The following NKAIN2 variants were observed in gnomAD, a reference collection of about 807,000 sequenced individuals.
NKAIN2 encodes sodium/potassium-transporting ATPase subunit beta-1-interacting protein 2.
A neutral mutation model predicts 32.6 loss-of-function variants in NKAIN2; 14 were observed. The observed-to-expected ratio is 0.43, with a 90% CI of 0.28 to 0.67. The LOEUF is 0.67. Ranked by LOEUF, NKAIN2 falls within the 30% of genes least tolerant of loss-of-function variation. The pLI is 0.17. For synonymous variants in NKAIN2, 80 were observed against 87.2 expected (o/e 0.92, Z 0.46); for missense variants, 198 against 258.3 (o/e 0.77, Z 1.60).
intron 1 of NKAIN2, among the ~76,000 whole-genome samples, chr6:123,982,349 A>G (rs746337260): frequency 3.9e-5 from 6 of 152,208 alleles, no homozygotes; most frequent in Non-Finnish European, 5.9e-5. Flanking sequence ...CTTAATTCTG[A>G]AAGTGTCAAA....
At chr6:124,008,387 G>A (rs114754275) in intron 1 of NKAIN2, among the ~76,000 whole-genome samples, 3,152 of 152,194 alleles carry the variant, frequency 0.021, 44 homozygotes, top group African/African-American at 0.032. Flanking sequence ...GACTTCTTTA[G>A]TAAAAACAGA....
At chr6:124,085,331 C>T (rs928151114) in intron 1 of NKAIN2, among the ~76,000 whole-genome samples, 2 of 151,194 alleles carry the variant, frequency 1.3e-5, no homozygotes, top group Non-Finnish European at 2.9e-5. Flanking sequence ...CTGAATTTGG[C>T]ATTAAAAAAT....
At chr6:124,577,818 G>C (rs1483773730) in intron 3 of NKAIN2, among the ~76,000 whole-genome samples, 1 of 152,118 alleles carries the variant, frequency 6.6e-6, no homozygotes, top group Non-Finnish European at 1.5e-5. Flanking sequence ...TCCTTGAGGA[G>C]AGGACAAGGA....
intron 4 of NKAIN2, among the ~76,000 whole-genome samples, chr6:124,678,929 G>A (rs1009722607): frequency 1.3e-5 from 2 of 152,100 alleles, no homozygotes; most frequent in Non-Finnish European, 2.9e-5. Context: ...ACTAGTGTGT[G>A]TAAATTTCAA....
intron 1 of NKAIN2, among the ~76,000 whole-genome samples, chr6:123,991,793 C>T (rs532322968): frequency 2.0e-5 from 3 of 152,060 alleles, no homozygotes; most frequent in South Asian, 2.1e-4. Context: ...ACCCAGGAGG[C>T]GGAGCTTGCA....
At chr6:123,979,971 G>A (rs1170614424) in intron 1 of NKAIN2, among the ~76,000 whole-genome samples, 1 of 152,064 alleles carries the variant, frequency 6.6e-6, no homozygotes, top group Non-Finnish European at 1.5e-5. Context: ...TATGATACAG[G>A]TTGATTATGA....
At chr6:124,371,042 A>G (rs1799738272) in intron 3 of NKAIN2, among the ~76,000 whole-genome samples, 1 of 152,140 alleles carries the variant, frequency 6.6e-6, no homozygotes, top group African/African-American at 2.4e-5. Context: ...GTGCTACATA[A>G]TGAGTCCAAT....
intron 1 of NKAIN2, among the ~76,000 whole-genome samples, chr6:123,852,696 A>G (rs1194789842): frequency 6.6e-6 from 1 of 152,246 alleles, no homozygotes; most frequent in Non-Finnish European, 1.5e-5. Context: ...ATCATTTGCA[A>G]CAACATAGAT....
chr6:124,688,629 A>G (rs1774107984), intron 4 of NKAIN2, among the ~76,000 whole-genome samples: 1 of 152,170 alleles, frequency 6.6e-6, no homozygotes, highest in Non-Finnish European at 1.5e-5. Context: ...ATGTCTACCC[A>G]GCCCTCCCCC....
At chr6:124,415,859 A>G (rs937371711) in intron 3 of NKAIN2, among the ~76,000 whole-genome samples, 1 of 106,764 alleles carries the variant, frequency 9.4e-6, no homozygotes, top group Non-Finnish European at 2.1e-5. Flanking sequence ...TTTTTTTTTT[A>G]ATTTGCTTTT....
At chr6:124,782,982 C>T (rs1419394407) in intron 4 of NKAIN2, among the ~76,000 whole-genome samples, 1 of 152,078 alleles carries the variant, frequency 6.6e-6, no homozygotes, top group African/African-American at 2.4e-5. Context: ...GCTCTTATCT[C>T]TAAACCGGAA....
chr6:124,100,412 T>A (rs1784829601), intron 1 of NKAIN2, among the ~76,000 whole-genome samples: 1 of 152,220 alleles, frequency 6.6e-6, no homozygotes, highest in South Asian at 2.1e-4. Context: ...GTAATTCCTA[T>A]CATGGTAATA....
chr6:124,072,812 C>G (rs965773872), intron 1 of NKAIN2, among the ~76,000 whole-genome samples: 3 of 152,284 alleles, frequency 2.0e-5, no homozygotes, highest in East Asian at 3.9e-4. Flanking sequence ...CTGTTGTTAA[C>G]TCACAATAAT....
At chr6:124,492,275 TA>T (rs1432969964) in intron 3 of NKAIN2, among the ~76,000 whole-genome samples, 1 of 152,096 alleles carries the variant, frequency 6.6e-6, no homozygotes, top group African/African-American at 2.4e-5. Flanking sequence ...TTTGTGTTGA[TA>T]CTTGGCATAT....
chr6:124,211,641 A>G (rs567455296), intron 1 of NKAIN2, among the ~76,000 whole-genome samples: 2 of 152,126 alleles, frequency 1.3e-5, no homozygotes, highest in African/African-American at 2.4e-5. Flanking sequence ...TGTGATGTGT[A>G]ATAGCTGTTG....
intron 1 of NKAIN2, among the ~76,000 whole-genome samples, chr6:124,130,374 C>T (rs1205580053): frequency 2.0e-5 from 3 of 152,098 alleles, no homozygotes; most frequent in Non-Finnish European, 4.4e-5. Flanking sequence ...ATTCCTGTTG[C>T]GTCTCAAAAA....
intron 2 of NKAIN2, among the ~76,000 whole-genome samples, chr6:124,305,636 C>G (rs71559992): frequency 0.021 from 3,126 of 152,170 alleles, 55 homozygotes; most frequent in South Asian, 0.029. Context: ...GAGATACTCC[C>G]GGGGTCATAC....
chr6:124,731,426 G>A (rs547418037), intron 4 of NKAIN2, among the ~76,000 whole-genome samples: 31 of 150,492 alleles, frequency 2.1e-4, no homozygotes, highest in African/African-American at 7.1e-4. Context: ...GGATGAAATT[G>A]GAAAACATCA....
intron 1 of NKAIN2, among the ~76,000 whole-genome samples, chr6:123,948,407 A>G (rs548055518): frequency 6.6e-6 from 1 of 151,980 alleles, no homozygotes. Flanking sequence ...TGGATTTCTC[A>G]GCATCCTCTC....
Sources: allele counts gnomAD v4.1 joint callset (sites outside exome capture counted in the v4.1 genomes callset), GRCh38; gene constraint gnomAD v4.1.1; transcripts MANE v1.5; gene names NCBI Gene and HGNC (gene_info 2026-07-23, HGNC 2026-07-21).